PHIP: variants seen among roughly 807,000 people sequenced by gnomAD.
PHIP encodes the protein PH-interacting protein.
Under a neutral mutation model 236.8 loss-of-function variants are expected in PHIP, and 54 were observed. That is an observed-to-expected ratio of 0.23 (90% CI 0.18 to 0.29). The LOEUF (loss-of-function observed/expected upper bound fraction) is 0.29, where lower values mean the gene tolerates loss of function less well. Ranked by LOEUF, PHIP falls within the 10% of genes least tolerant of loss-of-function variation. PHIP has a pLI of 1.00. For synonymous variants in PHIP, 756 were observed against 718.9 expected (o/e 1.05, Z -0.83); for missense variants, 1,370 against 2,190.8 (o/e 0.63, Z 7.48).
chr6:79,017,601 A>C lies in PHIP; in HGVS notation c.995-18T>G. On this transcript the variant is annotated intron_variant, in intron 10 of 39. Coordinates refer to ENST00000275034, the MANE Select transcript of PHIP (RefSeq NM_017934.7). ...CATTCCACCTATGAAGAATAACAGC[A>C]ATTGTTAAGAAGTAAAACATAACTT... The C allele has an allele frequency of 6.5e-7, 1 of 1,540,500 alleles. No individual in the cohort carries two copies. Among genetic ancestry groups the C allele is most frequent in the Non-Finnish European group, 9.0e-7 (1 of 1,115,626 alleles).
At chr6:78,942,405 C>A (rs530295346) in intron 39 of PHIP, among the ~76,000 whole-genome samples, 68 of 152,280 alleles carry the variant, frequency 4.5e-4, no homozygotes, top group Admixed American at 1.3e-4. Context: ...ATCCTTTGAA[C>A]CCAGGAGGCG....
chr6:79,059,440 ATAG>A lies in PHIP; in HGVS notation c.439+1035_439+1037del, dbSNP rs556756440. 8.1e-4 allele frequency among the ~76,000 whole-genome samples: 123 copies of A among 151,794 alleles called. 1 individual carries two copies. The highest frequency in any genetic ancestry group is 2.8e-3 in the African/African-American group (117 of 41,478). ...GATTGCCTTCAAAGTAGCAAGTTAGATAGTAGATTTAAACCCAAGTACATCAAT... is the reference window on the plus strand; with the variant it reads ...GATTGCCTTCAAAGTAGCAAGTTAGATAGATTTAAACCCAAGTACATCAAT... On this transcript the variant is annotated intron_variant, in intron 6 of 39. Coordinates refer to ENST00000275034, the MANE Select transcript of PHIP (RefSeq NM_017934.7).
chr6:79,015,419 T>C (rs1582225541), intron 14 of PHIP, among the ~76,000 whole-genome samples: 2 of 151,696 alleles, frequency 1.3e-5, no homozygotes, highest in East Asian at 3.8e-4. Flanking sequence ...ATGGATCTTT[T>C]CATATTAAAA....
chr6:79,008,172 A>G (rs1319710497), intron 15 of PHIP, among the ~76,000 whole-genome samples: 3 of 151,984 alleles, frequency 2.0e-5, no homozygotes, highest in Admixed American at 6.6e-5. Context: ...GCCTGGTGAC[A>G]GAGCAAGACT....
At chr6:78,986,770 C>CT (rs1399737413) in intron 21 of PHIP, among the ~76,000 whole-genome samples, 1 of 152,096 alleles carries the variant, frequency 6.6e-6, no homozygotes, top group East Asian at 1.9e-4. Context: ...AATTATATGT[C>CT]TATTCCACAG....
chr6:79,067,560 T>A (rs962744387), intron 4 of PHIP: 1 of 152,224 alleles, frequency 6.6e-6, no homozygotes, highest in Admixed American at 6.5e-5. Context: ...ACTATCTCCA[T>A]TGCATGTTCT....
intron 19 of PHIP, 111 bp from the exon 20 acceptor site, chr6:78,991,096 A>G: frequency 1.5e-6 from 1 of 660,546 alleles, no homozygotes; most frequent in South Asian, 2.0e-5. Context: ...TTATTTTAAG[A>G]TGGAAGCATG....
At chr6:78,984,925 C>T (rs1768772608) in intron 22 of PHIP, among the ~76,000 whole-genome samples, 1 of 152,146 alleles carries the variant, frequency 6.6e-6, no homozygotes, top group Non-Finnish European at 1.5e-5. Flanking sequence ...AAGGAATCCT[C>T]ACTGGTCTGG....
intron 15 of PHIP, among the ~76,000 whole-genome samples, chr6:79,005,812 T>C (rs1377698304): frequency 6.6e-6 from 1 of 152,036 alleles, no homozygotes; most frequent in African/African-American, 2.4e-5. Context: ...TTTTTTCTTT[T>C]TGGGGGTGAG....
intron 15 of PHIP, among the ~76,000 whole-genome samples, chr6:79,010,028 G>C (rs886754423): frequency 6.6e-6 from 1 of 151,254 alleles, no homozygotes; most frequent in Non-Finnish European, 1.5e-5. Context: ...TATAAATATA[G>C]GACATTATCT....
intron 15 of PHIP, among the ~76,000 whole-genome samples, chr6:79,005,570 ATTTTT>A (rs563445751): frequency 1.3e-5 from 2 of 151,438 alleles, no homozygotes; most frequent in African/African-American, 4.8e-5. Context: ...TTGTTAAATG[ATTTTT>A]TTTTAACTCA....
intron 6 of PHIP, among the ~76,000 whole-genome samples, chr6:79,043,627 A>G (rs543716076): frequency 2.6e-5 from 4 of 152,166 alleles, no homozygotes; most frequent in South Asian, 4.1e-4. Context: ...CATTCTAATC[A>G]TTATTCAAGA....
Position 78,963,287 on chromosome 6 carries a change from G to A in PHIP, c.3380-35C>T, listed in dbSNP as rs200457763. The A allele has an allele frequency of 1.3e-5, 20 of 1,544,692 alleles. No homozygotes were observed. The East Asian group carries it at 4.4e-4, about 34-fold the overall frequency. On this transcript the variant is annotated intron_variant, in intron 29 of 39. Coordinates refer to ENST00000275034, the MANE Select transcript of PHIP (RefSeq NM_017934.7). ...AAAAGCAGATCATTGCAAATACATGGTAACTTATTAGTATTCAGGTTAGCT... is the reference window on the plus strand; with the variant it reads ...AAAAGCAGATCATTGCAAATACATGATAACTTATTAGTATTCAGGTTAGCT...
In PHIP at chr6:78,939,415, T is replaced by C. The variant is rs1224333656; in HGVS notation, c.*1278A>G. ...AATGAGACCACTGTATAAAACATGATTGCATAAAAAGTGATTTGGCCTATT... is the reference window on the plus strand; with the variant it reads ...AATGAGACCACTGTATAAAACATGACTGCATAAAAAGTGATTTGGCCTATT... On this transcript the variant is annotated 3_prime_UTR_variant, in exon 40 of 40. Transcript: ENST00000275034. 1 of 151,812 alleles carries C rather than the reference T, an allele frequency of 6.6e-6. No individual in the cohort carries two copies. The highest frequency in any genetic ancestry group is 1.5e-5 in the Non-Finnish European group (1 of 67,728). The allele number at this position is 151,812 out of a possible 1,614,324, so 9.4% of individuals were successfully genotyped here. A position where few individuals can be genotyped will look rare whatever the true frequency, so the allele number is the denominator to read the frequency against.
At chr6:79,061,840 G>T (rs1773396856) in intron 4 of PHIP, among the ~76,000 whole-genome samples, 1 of 152,110 alleles carries the variant, frequency 6.6e-6, no homozygotes, top group African/African-American at 2.4e-5. Context: ...TAAGACTGAT[G>T]TGGGGGGAGG....
At chr6:78,998,461 A>C in intron 17 of PHIP, 70 bp from the exon 18 acceptor site, 5 of 1,246,892 alleles carry the variant, frequency 4.0e-6, no homozygotes, top group Non-Finnish European at 4.6e-6. Flanking sequence ...CACCAACCTC[A>C]CTTATGAGTT....
At chr6:78,954,999 G>C in intron 34 of PHIP, 36 bp from the exon 35 acceptor site, 1 of 1,423,480 alleles carries the variant, frequency 7.0e-7, no homozygotes, top group Non-Finnish European at 9.4e-7. Context: ...TAATAAAAGA[G>C]CACTTACACA....
chr6:79,002,405 G>A (rs1770050302), intron 16 of PHIP, among the ~76,000 whole-genome samples: 1 of 151,986 alleles, frequency 6.6e-6, no homozygotes, highest in Admixed American at 6.6e-5. Context: ...GCTTTCCATG[G>A]TTTCAGTTAC....
intron 19 of PHIP, 78 bp from the exon 20 acceptor site, chr6:78,991,063 A>G: frequency 1.3e-6 from 1 of 791,102 alleles, no homozygotes; most frequent in Non-Finnish European, 2.1e-6. Context: ...AGGTATCAGG[A>G]AAGGAACGCT....
Sources: allele counts gnomAD v4.1 joint callset (sites outside exome capture counted in the v4.1 genomes callset), GRCh38; gene constraint gnomAD v4.1.1; transcripts MANE v1.5; gene names NCBI Gene and HGNC (gene_info 2026-07-23, HGNC 2026-07-21).